The following TIAM2 variants were observed in gnomAD, a reference collection of about 807,000 sequenced individuals.
TIAM2 encodes the protein rho guanine nucleotide exchange factor TIAM2.
Under a neutral mutation model 152.9 loss-of-function variants are expected in TIAM2, and 80 were observed. That is an observed-to-expected ratio of 0.52 (90% CI 0.44 to 0.63). The LOEUF is 0.63. Among genes scored for constraint, TIAM2 ranks in the 30% least tolerant of loss-of-function variants. The pLI is 0.00. For missense variants in TIAM2, 1,965 were observed against 2,120.1 expected, an observed-to-expected ratio of 0.93 and a Z score of 1.44; for synonymous variants, 804 against 838.0, an observed-to-expected ratio of 0.96 and a Z score of 0.70.
Position 155,129,772 on chromosome 6 carries a change from C to G in TIAM2, c.549C>G (p.Pro183=). The change falls in exon 4 of 27, where the codon CCC becomes CCG. Residue 183 remains proline (P), a synonymous_variant. Transcript: ENST00000682666. This position sits in a 1 kb window ranked among gnomAD's most constrained non-coding sequence, Gnocchi z 4.8. ...LRVEFHNGGN[P]SKVPAEDCSE... Reference sequence around the variant, plus strand: ...TCGAGTTCCACAATGGTGGCAACCCCAGCAAAGTGCCTGCAGAGGACTGCA... The same window carrying G: ...TCGAGTTCCACAATGGTGGCAACCCGAGCAAAGTGCCTGCAGAGGACTGCA... 6.2e-7 allele frequency: 1 copy of G among 1,613,898 alleles called. No homozygotes were observed. Among genetic ancestry groups the G allele is most frequent in the Non-Finnish European group, 8.5e-7 (1 of 1,180,036 alleles).
At chr6:155,185,123 C>T (rs1238857835) in intron 14 of TIAM2, among the ~76,000 whole-genome samples, 3 of 92,402 alleles carry the variant, frequency 3.2e-5, no homozygotes, top group Admixed American at 1.4e-4. Flanking sequence ...GCAAATTTAC[C>T]TTTTTTTTTT....
At chr6:155,016,942 T>TGAG (rs1778600652) in intron 1 of TIAM2, among the ~76,000 whole-genome samples, 1 of 152,044 alleles carries the variant, frequency 6.6e-6, no homozygotes, top group Non-Finnish European at 1.5e-5. Flanking sequence ...TAAAATAACT[T>TGAG]GGGAGGCAGG....
chr6:155,133,739 C>CTT lies in TIAM2; in HGVS notation c.1194+3333_1194+3334dup, dbSNP rs35077380. 2.5e-3 allele frequency among the ~76,000 whole-genome samples: 360 copies of CTT among 144,690 alleles called. 2 individuals carry two copies. Among genetic ancestry groups the CTT allele is most frequent in the African/African-American group, 8.7e-3 (346 of 39,754 alleles). The allele number at this position is 144,690 out of a possible 152,430, so 94.9% of individuals were successfully genotyped here. A position where few individuals can be genotyped will look rare whatever the true frequency, so the allele number is the denominator to read the frequency against. On this transcript the variant is annotated intron_variant, in intron 4 of 26. Transcript: ENST00000682666. ...GAGTGACATCTCTTGAGTTTTTACT[C>CTT]TTTTTTTTTTTTGAGATGGAGTCTT...
chr6:155,034,123 C>A (rs1005967271), intron 1 of TIAM2, among the ~76,000 whole-genome samples: 2 of 151,988 alleles, frequency 1.3e-5, no homozygotes, highest in East Asian at 1.9e-4. Flanking sequence ...CCCTAGGGTG[C>A]CAACCTGGGT....
chr6:154,998,428 AGTTT>A (rs1474789548), intron 1 of TIAM2, among the ~76,000 whole-genome samples: 1 of 152,176 alleles, frequency 6.6e-6, no homozygotes, highest in Non-Finnish European at 1.5e-5. Flanking sequence ...TTAATATCAC[AGTTT>A]TATGCATGAA....
At chr6:155,142,443 A>G (rs568098303) in intron 5 of TIAM2, among the ~76,000 whole-genome samples, 1 of 152,256 alleles carries the variant, frequency 6.6e-6, no homozygotes, top group South Asian at 2.1e-4. Context: ...CACGATTTAA[A>G]CCATGGCTGT....
At chr6:155,240,098 C>T (rs533613015) in intron 15 of TIAM2, among the ~76,000 whole-genome samples, 1 of 152,234 alleles carries the variant, frequency 6.6e-6, no homozygotes, top group Non-Finnish European at 1.5e-5. Flanking sequence ...CCGGGCTGTT[C>T]TGTGTGGGAG....
rs1429469773 is a variant in TIAM2, at chr6:155,130,331, A to G, written c.1108A>G (p.Thr370Ala). 1.5e-5 allele frequency: 25 copies of G among 1,614,138 alleles called. No individual in the cohort carries two copies. The highest frequency in any genetic ancestry group is 2.2e-5 in the East Asian group (1 of 44,878). ...GAAGCCCAAAGCCTTTGTTGAGGATACTGCGAAGAAGGACTCCCTCAAAGC... is the reference window on the plus strand; with the variant it reads ...GAAGCCCAAAGCCTTTGTTGAGGATGCTGCGAAGAAGGACTCCCTCAAAGC... ...CRKPKAFVED[T>A]AKKDSLKARM... The change falls in exon 4 of 27, where the codon ACT (threonine) becomes GCT (alanine). Residue 370 changes from threonine (T) to alanine (A), a missense_variant. Coordinates refer to ENST00000682666, the MANE Select transcript of TIAM2 (RefSeq NM_012454.4).
rs1017651305 is a variant in TIAM2, at chr6:155,137,702, T to C, written c.1630+90T>C. The C allele has an allele frequency of 4.3e-6, 6 of 1,401,514 alleles. No individual in the cohort carries two copies. The African/African-American group carries it at 5.7e-5, about 13-fold the overall frequency. The allele number at this position is 1,401,514 out of a possible 1,614,324, so 86.8% of individuals were successfully genotyped here. A position where few individuals can be genotyped will look rare whatever the true frequency, so the allele number is the denominator to read the frequency against. On this transcript the variant is annotated intron_variant, in intron 5 of 26. Coordinates refer to ENST00000682666, the MANE Select transcript of TIAM2 (RefSeq NM_012454.4). ...GAAGTGCCAAGAGACTAGCATTGAT[T>C]TGAGTTCACATGAGGGGTTTGACAC...
chr6:155,055,027 G>T (rs1021609693), intron 1 of TIAM2, among the ~76,000 whole-genome samples: 1 of 152,100 alleles, frequency 6.6e-6, no homozygotes, highest in African/African-American at 2.4e-5. Context: ...GCTGCAGGAA[G>T]CCCTGGGACA....
chr6:155,010,027 A>G (rs1346693833), intron 1 of TIAM2, among the ~76,000 whole-genome samples: 1 of 151,720 alleles, frequency 6.6e-6, no homozygotes, highest in Non-Finnish European at 1.5e-5. Flanking sequence ...TAATTTTTGT[A>G]TTTTTAGTAG....
chr6:155,240,322 C>G lies in TIAM2; in HGVS notation c.3169-208C>G, dbSNP rs147547899. On this transcript the variant is annotated intron_variant, in intron 15 of 26. Transcript: ENST00000682666. ...CAATGGAGAGCCTCGTGTGTAAACA[C>G]TGAACATGAGTGTGGGCGCACATCT... Among the ~76,000 whole-genome samples the G allele has an allele frequency of 7.9e-5, 12 of 152,374 alleles. No individual in the cohort carries two copies. The East Asian group carries it at 2.1e-3, about 27-fold the overall frequency.
chr6:155,029,421 ATATAC>A (rs1360748265), intron 1 of TIAM2, among the ~76,000 whole-genome samples: 1 of 84,834 alleles, frequency 1.2e-5, no homozygotes, highest in Non-Finnish European at 2.1e-5. Context: ...TATATACTAT[ATATAC>A]TATAGTATAT....
intron 1 of TIAM2, among the ~76,000 whole-genome samples, chr6:155,078,649 C>T (rs1778003453): frequency 6.6e-6 from 1 of 152,216 alleles, no homozygotes; most frequent in African/African-American, 2.4e-5. Flanking sequence ...CCGCCTCTGT[C>T]TGAACTCCCA....
intron 1 of TIAM2, among the ~76,000 whole-genome samples, chr6:155,036,425 T>G (rs1240745509): frequency 6.6e-6 from 1 of 150,792 alleles, no homozygotes; most frequent in Non-Finnish European, 1.5e-5. Flanking sequence ...TCCCAGCTAC[T>G]TGGGAGGCTG....
At position 155,057,017 on chromosome 6, in the gene TIAM2, C is replaced by CTTTTTTTTTTTTTTTTT. The variant is rs71023612; in HGVS notation, c.-208-33259_-208-33243dup. ...AGTAGAATGTTCCTCAGTTTTCTTT[C>CTTTTTTTTTTTTTTTTT]TTTTTTTTTTTTTTTTTTTTTTTTT... On this transcript the variant is annotated intron_variant, in intron 1 of 26. Transcript: ENST00000682666. 1.4e-4 allele frequency among the ~76,000 whole-genome samples: 6 copies of CTTTTTTTTTTTTTTTTT among 43,868 alleles called. 1 individual carries two copies. The highest frequency in any genetic ancestry group is 1.2e-3 in the Admixed American group (3 of 2,584). The allele number at this position is 43,868 out of a possible 152,430, so 28.8% of individuals were successfully genotyped here. A position where few individuals can be genotyped will look rare whatever the true frequency, so the allele number is the denominator to read the frequency against.
intron 14 of TIAM2, among the ~76,000 whole-genome samples, chr6:155,196,521 G>C (rs779774120): frequency 6.6e-6 from 1 of 152,104 alleles, no homozygotes; most frequent in Non-Finnish European, 1.5e-5. Context: ...CAATGATTGG[G>C]AATCTTAATA....
At chr6:155,173,975 C>T (rs931084587) in intron 9 of TIAM2, among the ~76,000 whole-genome samples, 1 of 152,264 alleles carries the variant, frequency 6.6e-6, no homozygotes, top group East Asian at 1.9e-4. Context: ...AAGTGAGCAC[C>T]GGTGTGGAGC....
At chr6:155,066,565 A>G (rs1022459024) in intron 1 of TIAM2, among the ~76,000 whole-genome samples, 2 of 151,970 alleles carry the variant, frequency 1.3e-5, no homozygotes, top group African/African-American at 4.8e-5. Context: ...TCTGCATCAT[A>G]TTTCTGGTGT....
Sources: gnomAD v4.1 joint callset for allele counts (sites outside exome capture counted in the v4.1 genomes callset) on GRCh38, gnomAD v4.1.1 for gene constraint, Gnocchi (gnomAD v3.1) non-coding constraint, MANE v1.5 for transcripts, NCBI Gene and HGNC (gene_info 2026-07-23, HGNC 2026-07-21) for gene names.